Variants in ASB16 observed in about 807,000 individuals in gnomAD.
ASB16 encodes the protein ankyrin repeat and SOCS box containing 16.
A neutral mutation model predicts 39.1 loss-of-function variants in ASB16; 44 were observed. The ratio of observed to expected loss-of-function variants is 1.13; its 90% CI spans 0.88 to 1.45. ASB16 has a LOEUF of 1.45. Among genes scored for constraint, ASB16 ranks in the 40% most tolerant of loss-of-function variants. The pLI, the probability that ASB16 is intolerant of heterozygous loss-of-function variation, is 0.00. For synonymous variants in ASB16, 305 were observed against 286.7 expected, an observed-to-expected ratio of 1.06 and a Z score of -0.64; for missense variants, 698 against 634.5, an observed-to-expected ratio of 1.10 and a Z score of -1.07.
chr17:44,174,037 ATTTT>A (rs1157730462), intron 2 of ASB16, among the ~76,000 whole-genome samples: 3 of 114,720 alleles, frequency 2.6e-5, no homozygotes, highest in African/African-American at 3.5e-5. Flanking sequence ...ACACCTGGCT[ATTTT>A]TTTTTTTTTT....
Position 44,170,987 on chromosome 17 carries a change from C to G in ASB16, c.198C>G (p.Phe66Leu). 6.2e-7 allele frequency: 1 copy of G among 1,614,012 alleles called. No homozygotes were observed. Among genetic ancestry groups the G allele is most frequent in the Non-Finnish European group, 8.5e-7 (1 of 1,180,020 alleles). The change falls in exon 1 of 5, where the codon TTC becomes TTG. Residue 66 changes from phenylalanine to leucine, a missense_variant. Phe to Leu is a conservative substitution (Grantham distance 22). Coordinates refer to ENST00000293414, the MANE Select transcript of ASB16 (RefSeq NM_080863.5). ...CRDPAVHQAL[F>L]SGNLQQVQAL... ...ACCCAGCTGTCCACCAAGCCCTCTT[C>G]TCCGGCAACCTGCAGCAGGTCCAAG...
chr17:44,173,077 CTG>C (rs1181441950), intron 2 of ASB16, among the ~76,000 whole-genome samples: 5 of 117,590 alleles, frequency 4.3e-5, no homozygotes, highest in Non-Finnish European at 8.5e-5. Context: ...TCCAGCGAGA[CTG>C]TCTTAAAAAA....
chr17:44,177,868 T>TC, intron 4 of ASB16, 146 bp downstream of exon 4: 2 of 1,170,722 alleles, frequency 1.7e-6, no homozygotes. Context: ...GGGTACCCCC[T>TC]CCCCCGGTAC....
chr17:44,170,881 C>G lies in ASB16; in HGVS notation c.92C>G (p.Ala31Gly). 1.2e-6 allele frequency: 2 copies of G among 1,610,750 alleles called. No individual in the cohort carries two copies. Among genetic ancestry groups the G allele is most frequent in the Non-Finnish European group, 1.7e-6 (2 of 1,179,434 alleles). Reference protein sequence around the residue: ...EWLEWEDRRRAAAQQCRSRRC... With the variant: ...EWLEWEDRRRGAAQQCRSRRC... The stretch of plus-strand genomic sequence containing the variant: ...CTGGAATGGGAGGACCGGCGGCGGG[C>G]GGCTGCCCAGCAGTGCCGGAGCCGC... Residue 31 changes from alanine (A) to glycine (G), a missense_variant, in exon 1 of 5, where the codon GCG (alanine) becomes GGG (glycine). Transcript: ENST00000293414.
At position 44,176,998 on chromosome 17, in the gene ASB16, C is replaced by T. The variant is rs1010799326; in HGVS notation, c.830C>T (p.Ala277Val). 5 of 1,489,242 alleles carry T rather than the reference C, an allele frequency of 3.4e-6. No homozygotes were observed. In the African/African-American group the frequency reaches 4.4e-5, roughly 13 times the overall value. 92.3% of individuals were successfully genotyped at this position (1,489,242 alleles called of 1,614,324 possible). The change falls in exon 3 of 5, where the codon GCC becomes GTC. Residue 277 changes from alanine to valine, a missense_variant. Ala to Val is a moderately conservative substitution (Grantham distance 64, BLOSUM62 0). Coordinates refer to ENST00000293414, the MANE Select transcript of ASB16 (RefSeq NM_080863.5). ...CGGCTCCTGGAGGCTGGAGCTGATG[C>T]CCGGGCGGCCGGGCGCAAGCGCCAC... ...ARRLLEAGAD[A>V]RAAGRKRHTP... is the part of the protein sequence containing the mutation.
chr17:44,176,237 G>C (rs1193758348), intron 2 of ASB16: 1 of 165,082 alleles, frequency 6.1e-6, no homozygotes, highest in South Asian at 1.5e-4. Flanking sequence ...GCCCACCTGT[G>C]GTCCCAGCTA....
At position 44,172,300 on chromosome 17, in the gene ASB16, C is replaced by G; in HGVS notation, c.556C>G (p.Pro186Ala). The change falls in exon 2 of 5, where the codon CCC becomes GCC. Residue 186 changes from proline (P) to alanine (A), a missense_variant. Transcript: ENST00000293414. ...GACTCCTTTGCACCTCTGCACGATC[C>G]CCGAGTCCTTGCAGTAGGTGCCTGG... ...GTTPLHLCTI[P>A]ESLQCAKLLL... 1.2e-6 allele frequency: 2 copies of G among 1,612,232 alleles called. No individual in the cohort carries two copies. Among genetic ancestry groups the G allele is most frequent in the Non-Finnish European group, 1.7e-6 (2 of 1,179,652 alleles).
chr17:44,172,426 C>A, intron 2 of ASB16, 113 bp downstream of exon 2: 1 of 1,252,676 alleles, frequency 8.0e-7, no homozygotes, highest in Non-Finnish European at 1.1e-6. Context: ...GTTCATAAAG[C>A]ACCGCATATA....
rs1567733167 is a variant in ASB16 at position 44,178,258 on chromosome 17, G to A, written c.1230G>A (p.Gln410=). Reference sequence around the variant, plus strand: ...TGTGCATGGTGAACCAGCCAAGGCAGCTGCAGCACCTGGCCCGACTAGCTG... The same window carrying A: ...TGTGCATGGTGAACCAGCCAAGGCAACTGCAGCACCTGGCCCGACTAGCTG... ...SALCMVNQPR[Q]LQHLARLAVR... is the part of the protein sequence containing the mutation. The change falls in exon 5 of 5, where the codon CAG becomes CAA. Residue 410 remains glutamine (Q), a synonymous_variant. Transcript: ENST00000293414. The A allele has an allele frequency of 1.2e-6, 2 of 1,613,508 alleles. No individual in the cohort carries two copies. Among genetic ancestry groups the A allele is most frequent in the Non-Finnish European group, 1.7e-6 (2 of 1,179,974 alleles).
Position 44,178,196 on chromosome 17 carries a change from C to A in ASB16, c.1177-9C>A. 6.2e-7 allele frequency: 1 copy of A among 1,612,368 alleles called. No homozygotes were observed. Among genetic ancestry groups the A allele is most frequent in the Non-Finnish European group, 8.5e-7 (1 of 1,179,966 alleles). On this transcript the variant is annotated splice_polypyrimidine_tract_variant and intron_variant, in intron 4 of 4. Coordinates refer to ENST00000293414, the MANE Select transcript of ASB16 (RefSeq NM_080863.5). ...AGGGTCATCTGACCTTCTTTCACTC[C>A]TGGCCTAGGAGCACGAAGCCTTCTA... is the stretch of plus-strand genomic sequence containing the variant.
intron 3 of ASB16, 96 bp from the exon 4 acceptor site, chr17:44,177,513 C>A: frequency 1.4e-6 from 2 of 1,460,358 alleles, no homozygotes; most frequent in East Asian, 2.4e-5. Flanking sequence ...CTTAGCCCCC[C>A]AGATTAGGCT....
At chr17:44,177,405 G>A (rs1033588749) in intron 3 of ASB16, 175 bp downstream of exon 3, 2 of 1,175,868 alleles carry the variant, frequency 1.7e-6, no homozygotes, top group Non-Finnish European at 1.2e-6. Context: ...AGAGTCCAAG[G>A]GAGGGAAGAG....
At position 44,178,705 on chromosome 17, in the gene ASB16, G is replaced by A. The variant is rs963390618; in HGVS notation, c.*315G>A. 15 of 353,648 alleles carry A rather than the reference G, an allele frequency of 4.2e-5. No homozygotes were observed. The highest frequency in any genetic ancestry group is 3.0e-4 in the African/African-American group (14 of 46,660). 21.9% of individuals were successfully genotyped at this position (353,648 alleles called of 1,614,324 possible). On this transcript the variant is annotated 3_prime_UTR_variant, in exon 5 of 5. Transcript: ENST00000293414. The stretch of plus-strand genomic sequence containing the variant: ...CAGGCTGGTCTCACACTGACCTCAG[G>A]TGATCCACCCGCCTTGGCCTCCCAA...
intron 3 of ASB16, 104 bp downstream of exon 3, chr17:44,177,334 T>C (rs1323145176): frequency 8.5e-6 from 12 of 1,409,360 alleles, no homozygotes; most frequent in Non-Finnish European, 1.0e-5. Flanking sequence ...ACTGAAAGCC[T>C]GCCCTCAGTG....
intron 2 of ASB16, among the ~76,000 whole-genome samples, chr17:44,174,354 A>G: frequency 6.6e-6 from 1 of 151,758 alleles, no homozygotes; most frequent in East Asian, 1.9e-4. Context: ...CCAACTGGCT[A>G]TTTTTTAAAA....
Position 44,172,140 on chromosome 17 carries a change from G to A in ASB16, c.396G>A (p.Arg132=), listed in dbSNP as rs372078758. The A allele has an allele frequency of 1.9e-5, 31 of 1,611,546 alleles. No individual in the cohort carries two copies. The highest frequency in any genetic ancestry group is 2.6e-5 in the Non-Finnish European group (31 of 1,180,008). ...GYTDCARHLI[R]QGAELDARVG... is the part of the protein sequence containing the mutation. ...CAGACTGTGCTCGACACCTGATCCG[G>A]CAGGGAGCTGAGCTGGATGCCCGTG... Residue 132 remains arginine, a synonymous_variant, in exon 2 of 5, where the codon CGG becomes CGA. Transcript: ENST00000293414.
In ASB16 at chr17:44,177,007, C is replaced by A. The variant is rs758456101; in HGVS notation, c.839C>A (p.Ala280Asp). 2 of 1,489,000 alleles carry A rather than the reference C, an allele frequency of 1.3e-6. No homozygotes were observed. The highest frequency in any genetic ancestry group is 1.8e-6 in the Non-Finnish European group (2 of 1,132,034). 92.2% of individuals were successfully genotyped at this position (1,489,000 alleles called of 1,614,324 possible). Residue 280 changes from alanine to aspartate, a missense_variant, in exon 3 of 5, where the codon GCC becomes GAC. Physicochemically the swap from Ala to Asp is moderately radical, Grantham distance 126 (BLOSUM62 -2). Coordinates refer to ENST00000293414, the MANE Select transcript of ASB16 (RefSeq NM_080863.5). ...GAGGCTGGAGCTGATGCCCGGGCGG[C>A]CGGGCGCAAGCGCCACACGCCGCTG... ...LLEAGADARA[A>D]GRKRHTPLHN...
intron 3 of ASB16, 180 bp downstream of exon 3, chr17:44,177,410 G>T: frequency 8.5e-7 from 1 of 1,169,620 alleles, no homozygotes; most frequent in Non-Finnish European, 1.2e-6. Context: ...CCAAGGGAGG[G>T]AAGAGCCCCA....
In ASB16 at chr17:44,172,260, G is replaced by A. The variant is rs1243216030; in HGVS notation, c.516G>A (p.Leu172=). Residue 172 remains leucine (L), a synonymous_variant, in exon 2 of 5, where the codon CTG becomes CTA. Coordinates refer to ENST00000293414, the MANE Select transcript of ASB16 (RefSeq NM_080863.5). ...CCTTCGGAGCCAAGGCTAATGTGCT[G>A]ACTGAGGAGGGCACGACTCCTTTGC... ...LLTFGAKANV[L]TEEGTTPLHL... 6.2e-7 allele frequency: 1 copy of A among 1,613,700 alleles called. No individual in the cohort carries two copies. Among genetic ancestry groups the A allele is most frequent in the African/African-American group, 1.3e-5 (1 of 74,940 alleles).
Sources: gnomAD v4.1 joint callset for allele counts (sites outside exome capture counted in the v4.1 genomes callset) on GRCh38, gnomAD v4.1.1 for gene constraint, MANE v1.5 for transcripts, NCBI Gene and HGNC (gene_info 2026-07-23, HGNC 2026-07-21) for gene names.